The following TENM3 variants were observed in gnomAD, a reference collection of about 807,000 sequenced individuals.
TENM3 encodes teneurin-3.
In TENM3, 63 loss-of-function variants were observed where a neutral mutation model predicts 255.1. That is an observed-to-expected ratio of 0.25 (90% CI 0.20 to 0.30). The LOEUF is 0.30. Ranked by LOEUF, TENM3 falls within the 10% of genes least tolerant of loss-of-function variation. The pLI is 1.00. For missense variants in TENM3, 2,929 were observed against 3,461.1 expected, an observed-to-expected ratio of 0.85 and a Z score of 3.86; for synonymous variants, 1,306 against 1,322.3, an observed-to-expected ratio of 0.99 and a Z score of 0.27.
intron 3 of TENM3, among the ~76,000 whole-genome samples, chr4:182,410,701 C>T (rs956883287): frequency 2.0e-5 from 3 of 151,944 alleles, no homozygotes; most frequent in Non-Finnish European, 4.4e-5. Context: ...GATGAGAAAT[C>T]GTCTTAACCA....
At chr4:182,345,361 A>C (rs1246724043) in intron 2 of TENM3, among the ~76,000 whole-genome samples, 2 of 152,234 alleles carry the variant, frequency 1.3e-5, no homozygotes, top group Non-Finnish European at 2.9e-5. Context: ...CCTCTTTCAA[A>C]AAATATAATG....
chr4:182,091,532 C>A, the TENM3 span, among the ~76,000 whole-genome samples: 1 of 152,122 alleles, frequency 6.6e-6, no homozygotes, highest in Admixed American at 6.6e-5. Flanking sequence ...AGGAGACCTG[C>A]GTACCTGGTG....
the TENM3 span, among the ~76,000 whole-genome samples, chr4:181,475,267 A>G: frequency 2.0e-5 from 3 of 152,236 alleles, no homozygotes; most frequent in Non-Finnish European, 2.9e-5. Context: ...ACCTGACACA[A>G]CAAAGTCATG....
chr4:182,453,047 T>G, intron 3 of TENM3, among the ~76,000 whole-genome samples: 1 of 151,304 alleles, frequency 6.6e-6, no homozygotes, highest in East Asian at 1.9e-4. Flanking sequence ...TATATATGCA[T>G]ACATATATAG....
chr4:182,547,601 T>C (rs1741571661), intron 3 of TENM3, among the ~76,000 whole-genome samples: 1 of 152,162 alleles, frequency 6.6e-6, no homozygotes, highest in Non-Finnish European at 1.5e-5. Context: ...GCTAGTTTCA[T>C]CCAGGCCATT....
chr4:181,643,947 G>T, the TENM3 span, among the ~76,000 whole-genome samples: 1 of 151,878 alleles, frequency 6.6e-6, no homozygotes, highest in South Asian at 2.1e-4. Flanking sequence ...CGTGTTGCAT[G>T]GTGGTGCATG....
At chr4:181,711,075 C>A in the TENM3 span, among the ~76,000 whole-genome samples, 4 of 151,998 alleles carry the variant, frequency 2.6e-5, no homozygotes, top group African/African-American at 7.2e-5. Context: ...TATAAACTAC[C>A]TTTTCTACAT....
At position 182,799,510 on chromosome 4, in the gene TENM3, G is replaced by A; in HGVS notation, c.7345-86G>A. ...CCGGGGCTTCCATGCATGCCCCGGCGCTGCCCCCAGAGTCCCGTGTGTGGG... is the reference window on the plus strand; with the variant it reads ...CCGGGGCTTCCATGCATGCCCCGGCACTGCCCCCAGAGTCCCGTGTGTGGG... On this transcript the variant is annotated intron_variant, in intron 27 of 27. Coordinates refer to ENST00000511685, the MANE Select transcript of TENM3 (RefSeq NM_001080477.4). This position sits in a 1 kb window ranked among gnomAD's most constrained non-coding sequence, Gnocchi z 4.2. 1.4e-6 allele frequency: 2 copies of A among 1,481,378 alleles called. No individual in the cohort carries two copies. Among genetic ancestry groups the A allele is most frequent in the Non-Finnish European group, 8.9e-7 (1 of 1,122,910 alleles). 91.8% of individuals were successfully genotyped at this position (1,481,378 alleles called of 1,614,324 possible).
chr4:182,762,475 G>A (rs1256046776), intron 22 of TENM3, among the ~76,000 whole-genome samples: 1 of 152,170 alleles, frequency 6.6e-6, no homozygotes, highest in African/African-American at 2.4e-5. Flanking sequence ...ACACATGGAC[G>A]ATCAGTGCAA....
At chr4:181,549,645 AT>A in the TENM3 span, among the ~76,000 whole-genome samples, 1 of 152,134 alleles carries the variant, frequency 6.6e-6, no homozygotes, top group Non-Finnish European at 1.5e-5. Context: ...TGTACCCCAG[AT>A]TCTTAGGTAA....
chr4:182,003,426 C>A, the TENM3 span, among the ~76,000 whole-genome samples: 1 of 152,018 alleles, frequency 6.6e-6, no homozygotes, highest in Non-Finnish European at 1.5e-5. Flanking sequence ...CCATGGGTAA[C>A]CAGCTTGAAA....
intron 3 of TENM3, among the ~76,000 whole-genome samples, chr4:182,508,607 T>A (rs1737068530): frequency 6.6e-6 from 1 of 152,216 alleles, no homozygotes; most frequent in Non-Finnish European, 1.5e-5. Context: ...TTTCTTCTGA[T>A]AGATGCATAT....
In TENM3 at chr4:182,796,650, G is replaced by A; in HGVS notation, c.7227G>A (p.Trp2409Ter). ...TTCTTCTCCTAGATGTTAACAGCTG[G>A]CTGGTGACATTTGGTTTCCATCTGC... ...VKDYITDVNS[W>*]LVTFGFHLHN... The change falls in exon 27 of 28, where the codon TGG becomes TGA. Residue 2409 changes from tryptophan to a stop codon, truncating the protein, a stop_gained. Transcript: ENST00000511685. LOFTEE classifies it high-confidence loss of function. 6.2e-7 allele frequency: 1 copy of A among 1,607,676 alleles called. No individual in the cohort carries two copies. The highest frequency in any genetic ancestry group is 1.7e-5 in the Admixed American group (1 of 59,134).
At chr4:181,669,551 G>A in the TENM3 span, among the ~76,000 whole-genome samples, 1 of 152,074 alleles carries the variant, frequency 6.6e-6, no homozygotes, top group Non-Finnish European at 1.5e-5. Flanking sequence ...TCTTAGCAAG[G>A]AGGGTTTCTT....
the TENM3 span, among the ~76,000 whole-genome samples, chr4:181,644,245 C>T: frequency 1.3e-5 from 2 of 151,732 alleles, no homozygotes; most frequent in Admixed American, 6.6e-5. Context: ...AAGATAGAGC[C>T]CGTAATAGTT....
chr4:182,602,785 T>C (rs1470266163), intron 4 of TENM3, among the ~76,000 whole-genome samples: 1 of 152,156 alleles, frequency 6.6e-6, no homozygotes, highest in African/African-American at 2.4e-5. Flanking sequence ...TAGCACACAC[T>C]GAACAGCTAA....
chr4:182,167,098 G>A lies in TENM3; in HGVS notation c.-76+22344G>A, dbSNP rs182286151. Reference sequence around the variant, plus strand: ...AAAAGTTAAGTGTACTTCAAGTGCAGTATTTATGTAAAACCACTAAGATAA... The same window carrying A: ...AAAAGTTAAGTGTACTTCAAGTGCAATATTTATGTAAAACCACTAAGATAA... On this transcript the variant is annotated intron_variant, in intron 1 of 2. Coordinates refer to the TENM3 transcript ENST00000512480. 8.5e-5 allele frequency among the ~76,000 whole-genome samples: 13 copies of A among 152,288 alleles called. No individual in the cohort carries two copies. In the East Asian group the frequency reaches 2.3e-3, roughly 27 times the overall value.
intron 3 of TENM3, among the ~76,000 whole-genome samples, chr4:182,505,883 G>A (rs79607430): frequency 0.033 from 5,018 of 152,248 alleles, 176 homozygotes; most frequent in African/African-American, 0.085. Context: ...ACATAACAAG[G>A]TAGAAAGAGA....
chr4:182,591,039 G>A (rs1193154866), intron 3 of TENM3, among the ~76,000 whole-genome samples: 2 of 152,062 alleles, frequency 1.3e-5, no homozygotes. Context: ...TGAGATTGTT[G>A]GCTTTTTGTT....
Sources: allele counts gnomAD v4.1 joint callset (sites outside exome capture counted in the v4.1 genomes callset), GRCh38; gene constraint gnomAD v4.1.1; non-coding constraint Gnocchi (gnomAD v3.1); transcripts MANE v1.5; gene names NCBI Gene and HGNC (gene_info 2026-07-23, HGNC 2026-07-21).